POU6F2: variants seen among roughly 807,000 people sequenced by gnomAD.
POU6F2 encodes POU domain, class 6, transcription factor 2.
POU6F2 carries 31 observed loss-of-function variants against 71.3 expected under a neutral mutation model. The ratio of observed to expected loss-of-function variants is 0.43; its 90% CI spans 0.33 to 0.59. POU6F2 has a LOEUF of 0.59. Ranked by LOEUF, POU6F2 falls within the 20% of genes least tolerant of loss-of-function variation. The probability of loss-of-function intolerance (pLI) is 0.04; values close to 1 mark genes in which losing one functional copy is unlikely to be tolerated. For synonymous variants in POU6F2, 347 were observed against 355.7 expected, an observed-to-expected ratio of 0.98 and a Z score of 0.27; for missense variants, 783 against 856.8, an observed-to-expected ratio of 0.91 and a Z score of 1.07.
At chr7:39,358,456 T>G (rs1019249274) in intron 5 of POU6F2, among the ~76,000 whole-genome samples, 2 of 152,174 alleles carry the variant, frequency 1.3e-5, no homozygotes, top group African/African-American at 4.8e-5. Flanking sequence ...TAAAAAAGTT[T>G]TAATCAGATG....
intron 8 of POU6F2, among the ~76,000 whole-genome samples, chr7:39,457,944 A>T (rs1365322994): frequency 6.6e-6 from 1 of 151,074 alleles, no homozygotes; most frequent in African/African-American, 2.4e-5. Context: ...TTTTATTATC[A>T]CCCCACTCCC....
At chr7:39,358,109 T>C (rs1786297912) in intron 5 of POU6F2, among the ~76,000 whole-genome samples, 1 of 152,166 alleles carries the variant, frequency 6.6e-6, no homozygotes, top group South Asian at 2.1e-4. Flanking sequence ...TATGAGACAA[T>C]TGGAAGTATG....
chr7:39,400,135 A>G (rs890564859), intron 5 of POU6F2, among the ~76,000 whole-genome samples: 9 of 152,248 alleles, frequency 5.9e-5, no homozygotes, highest in African/African-American at 1.9e-4. Context: ...CCATAGTCAC[A>G]GGGTTTGGCT....
intron 4 of POU6F2, among the ~76,000 whole-genome samples, chr7:39,241,339 AGAAT>A (rs1475905433): frequency 6.6e-6 from 1 of 152,198 alleles, no homozygotes; most frequent in Non-Finnish European, 1.5e-5. Context: ...AGTAAAAGAA[AGAAT>A]GAATGAATAT....
chr7:39,226,094 T>C (rs1794456283), intron 4 of POU6F2, among the ~76,000 whole-genome samples: 1 of 152,162 alleles, frequency 6.6e-6, no homozygotes, highest in Non-Finnish European at 1.5e-5. Context: ...TGAAAATTGA[T>C]TTGTGATTTA....
At chr7:39,214,748 G>A (rs1229771844) in intron 4 of POU6F2, among the ~76,000 whole-genome samples, 1 of 152,212 alleles carries the variant, frequency 6.6e-6, no homozygotes, top group African/African-American at 2.4e-5. Context: ...AGAGCATTCA[G>A]TGTAGAGAAG....
At chr7:39,206,929 A>G (rs987319196) in intron 3 of POU6F2, among the ~76,000 whole-genome samples, 4 of 152,208 alleles carry the variant, frequency 2.6e-5, no homozygotes, top group African/African-American at 9.6e-5. Context: ...TAATGGTGTC[A>G]ATACAGACTT....
rs533392150 is a variant in POU6F2 at position 39,462,658 on chromosome 7, A to G, written c.1659-1524A>G. ...TGGTATGTGGCAAATTAGCACAACAATGAGAGCTTTTGAGGAGCTTGCCAT... is the reference window on the plus strand; with the variant it reads ...TGGTATGTGGCAAATTAGCACAACAGTGAGAGCTTTTGAGGAGCTTGCCAT... On this transcript the variant is annotated intron_variant, in intron 9 of 9. Coordinates refer to ENST00000518318, the MANE Select transcript of POU6F2 (RefSeq NM_001370959.1). 7.9e-5 allele frequency among the ~76,000 whole-genome samples: 12 copies of G among 152,342 alleles called. No individual in the cohort carries two copies. The South Asian group carries it at 2.5e-3, about 32-fold the overall frequency.
At chr7:39,422,187 C>A (rs1787864655) in intron 6 of POU6F2, among the ~76,000 whole-genome samples, 4 of 152,170 alleles carry the variant, frequency 2.6e-5, no homozygotes, top group Admixed American at 2.0e-4. Context: ...AAAAATGTGT[C>A]TTTGTTTTCT....
At position 39,006,471 on chromosome 7, in the gene POU6F2, TA is replaced by T. The variant is rs781419603; in HGVS notation, c.105+28422del. On this transcript the variant is annotated intron_variant, in intron 1 of 9. Transcript: ENST00000518318. ...AGAGCAAGACTCAGTCTCAAAAAAATAAAAAAAAATGTAGAGCCTAGAATTT... is the reference window on the plus strand; with the variant it reads ...AGAGCAAGACTCAGTCTCAAAAAAATAAAAAAAATGTAGAGCCTAGAATTT... 7.3e-4 allele frequency among the ~76,000 whole-genome samples: 109 copies of T among 150,138 alleles called. 4 individuals carry two copies. The East Asian group carries it at 0.02, about 28-fold the overall frequency.
At chr7:39,336,961 A>T (rs1785790640) in intron 4 of POU6F2, among the ~76,000 whole-genome samples, 1 of 152,226 alleles carries the variant, frequency 6.6e-6, no homozygotes, top group African/African-American at 2.4e-5. Flanking sequence ...AATCTTCCAC[A>T]GACTTGCTTT....
Position 39,339,801 on chromosome 7 carries a change from C to A in POU6F2, c.758C>A (p.Pro253Gln), listed in dbSNP as rs773825714. 3.8e-6 allele frequency: 6 copies of A among 1,571,464 alleles called. No homozygotes were observed. The African/African-American group carries it at 4.1e-5, about 11-fold the overall frequency. The change falls in exon 5 of 10, where the codon CCA becomes CAA. Residue 253 changes from proline to glutamine, a missense_variant. Pro to Gln is a moderately conservative substitution (Grantham distance 76). Transcript: ENST00000518318. ...CAGCAGCAGCCGCTGCAGCCCACCC[C>A]ACCCCAGCAGCCACCACCCGCCTCT... ...QSQQQPLQPT[P>Q]PQQPPPASQQ... is the part of the protein sequence containing the mutation.
intron 4 of POU6F2, among the ~76,000 whole-genome samples, chr7:39,338,300 G>A (rs892279106): frequency 6.6e-5 from 10 of 152,212 alleles, no homozygotes; most frequent in Non-Finnish European, 1.3e-4. Flanking sequence ...AAGAAAGGGG[G>A]AAATGGCAAA....
At chr7:39,361,299 C>T (rs2115711544) in intron 5 of POU6F2, among the ~76,000 whole-genome samples, 1 of 152,338 alleles carries the variant, frequency 6.6e-6, no homozygotes, top group South Asian at 2.1e-4. Context: ...TTGTACTCAG[C>T]AAGTATGCTG....
At chr7:39,093,632 A>G (rs563517164) in intron 2 of POU6F2, among the ~76,000 whole-genome samples, 1 of 152,170 alleles carries the variant, frequency 6.6e-6, no homozygotes, top group Admixed American at 6.5e-5. Context: ...AATATTTTGT[A>G]TTTCTTTAAT....
intron 5 of POU6F2, among the ~76,000 whole-genome samples, chr7:39,372,340 G>C (rs1786631169): frequency 6.6e-6 from 1 of 152,206 alleles, no homozygotes; most frequent in Admixed American, 6.5e-5. Context: ...TTACTAATGA[G>C]AAGAATGGAA....
chr7:39,164,266 T>C (rs1793063938), intron 2 of POU6F2, among the ~76,000 whole-genome samples: 1 of 150,944 alleles, frequency 6.6e-6, no homozygotes, highest in Non-Finnish European at 1.5e-5. Flanking sequence ...AGTTAAACCA[T>C]CGATTTTTTT....
rs771618890 is a variant in POU6F2, at chr7:39,350,412, G to C, written c.972+10397G>C. 6.6e-4 allele frequency among the ~76,000 whole-genome samples: 100 copies of C among 152,064 alleles called. 1 individual carries two copies. Among genetic ancestry groups the C allele is most frequent in the Admixed American group, 8.5e-4 (13 of 15,282 alleles). On this transcript the variant is annotated intron_variant, in intron 5 of 9. Transcript: ENST00000518318. ...TGGAATCTGGTTGTCTTGGAAACTT[G>C]GTTTTTTGGGGTTTTTTTAATTAGA... is the stretch of plus-strand genomic sequence containing the variant.
intron 1 of POU6F2, among the ~76,000 whole-genome samples, chr7:39,024,170 T>A (rs1332024850): frequency 1.3e-5 from 2 of 152,170 alleles, no homozygotes; most frequent in African/African-American, 4.8e-5. Flanking sequence ...TTGTATCCTC[T>A]TTTATTTCAT....
Sources: gnomAD v4.1 joint callset for allele counts (sites outside exome capture counted in the v4.1 genomes callset) on GRCh38, gnomAD v4.1.1 for gene constraint, MANE v1.5 for transcripts, NCBI Gene and HGNC (gene_info 2026-07-23, HGNC 2026-07-21) for gene names.